The following YBX1 variants were observed in gnomAD, a reference collection of about 807,000 sequenced individuals.
YBX1 encodes the protein Y-box binding protein 1.
A neutral mutation model predicts 41.4 loss-of-function variants in YBX1; 3 were observed. The ratio of observed to expected loss-of-function variants is 0.07; its 90% CI spans 0.03 to 0.19. The LOEUF (loss-of-function observed/expected upper bound fraction) is 0.19. YBX1 is among the 10% of genes least tolerant of loss of function. The pLI, the probability that YBX1 is intolerant of heterozygous loss-of-function variation, is 1.00. For synonymous variants in YBX1, 133 were observed against 165.8 expected, an observed-to-expected ratio of 0.80 and a Z score of 1.52; for missense variants, 274 against 462.8, an observed-to-expected ratio of 0.59 and a Z score of 3.74.
At chr1:42,700,497 T>C (rs890195949) in intron 6 of YBX1, among the ~76,000 whole-genome samples, 6 of 150,396 alleles carry the variant, frequency 4.0e-5, no homozygotes, top group African/African-American at 1.5e-4. Context: ...TACTCAGGAG[T>C]CTGAGGTGGG....
intron 7 of YBX1, 138 bp downstream of exon 7, chr1:42,701,184 C>A (rs765444643): frequency 1.6e-5 from 11 of 671,798 alleles, no homozygotes; most frequent in Admixed American, 3.0e-5. Context: ...CTGCCCTATT[C>A]TTAATTACCT....
chr1:42,683,761 G>C (rs930817774), intron 2 of YBX1, among the ~76,000 whole-genome samples: 2 of 152,128 alleles, frequency 1.3e-5, no homozygotes, highest in African/African-American at 4.8e-5. Flanking sequence ...TCCTTAACAG[G>C]GTAAACGGGA....
At chr1:42,692,546 C>T (rs1244304934) in intron 2 of YBX1, among the ~76,000 whole-genome samples, 2 of 152,156 alleles carry the variant, frequency 1.3e-5, no homozygotes, top group Non-Finnish European at 2.9e-5. Context: ...TTATGTGGAT[C>T]CTTTGATGCA....
chr1:42,691,921 G>T (rs1650348915), intron 2 of YBX1, among the ~76,000 whole-genome samples: 1 of 152,048 alleles, frequency 6.6e-6, no homozygotes, highest in South Asian at 2.1e-4. Flanking sequence ...GAGTGCAGCA[G>T]CTCACTGTAA....
chr1:42,695,447 T>C (rs1650435643), intron 3 of YBX1, among the ~76,000 whole-genome samples: 1 of 152,228 alleles, frequency 6.6e-6, no homozygotes, highest in African/African-American at 2.4e-5. Context: ...GGATTAACAA[T>C]ACTTTCACAT....
chr1:42,700,291 A>G (rs1650561861), intron 6 of YBX1, among the ~76,000 whole-genome samples: 1 of 152,172 alleles, frequency 6.6e-6, no homozygotes, highest in Admixed American at 6.5e-5. Context: ...ACTGGGGGAA[A>G]GAAAATCCCA....
At position 42,682,749 on chromosome 1, in the gene YBX1, A is replaced by C. The variant is rs1037218398; in HGVS notation, c.166+18A>C. ...GGTCATCGGTGAGGACCGGACAGGG[A>C]CGGGGGTGGGGCCCTCGGGCAGCCC... On this transcript the variant is annotated intron_variant, in intron 1 of 7. Coordinates refer to ENST00000321358, the MANE Select transcript of YBX1 (RefSeq NM_004559.5). The C allele has an allele frequency of 2.1e-5, 25 of 1,185,640 alleles. No homozygotes were observed. The highest frequency in any genetic ancestry group is 2.6e-5 in the Non-Finnish European group (25 of 954,350). 73.4% of individuals were successfully genotyped at this position (1,185,640 alleles called of 1,614,324 possible).
Position 42,701,002 on chromosome 1 carries a change from G to A in YBX1, c.962G>A (p.Gly321Asp). 2 of 1,614,130 alleles carry A rather than the reference G, an allele frequency of 1.2e-6. No homozygotes were observed. The highest frequency in any genetic ancestry group is 2.2e-5 in the South Asian group (2 of 91,084). ...TCGTCCGCTCCCGAGGCTGAGCAGG[G>A]CGGGGCTGAGTAAATGCCGGCTTAC... Reference protein sequence around the residue: ...ENSSAPEAEQGGAE With the variant: ...ENSSAPEAEQDGAE Residue 321 changes from glycine to aspartate, a missense_variant, in exon 7 of 8, where the codon GGC becomes GAC. This residue lies in a region of YBX1 where 187 missense variants were observed against 306.3 expected (regional missense o/e 0.61). Transcript: ENST00000321358.
At chr1:42,701,257 C>G (rs1171753297) in intron 7 of YBX1, among the ~76,000 whole-genome samples, 1 of 152,124 alleles carries the variant, frequency 6.6e-6, no homozygotes. Context: ...AGCTAGTTCT[C>G]AATTCTGACA....
intron 2 of YBX1, among the ~76,000 whole-genome samples, chr1:42,687,904 A>G (rs1476327846): frequency 1.3e-5 from 2 of 152,182 alleles, no homozygotes; most frequent in African/African-American, 4.8e-5. Context: ...GCACTAGGGA[A>G]GGTTTAAAGA....
In YBX1 at chr1:42,700,764, G is replaced by A; in HGVS notation, c.741-17G>A. The A allele has an allele frequency of 6.3e-7, 1 of 1,598,756 alleles. No individual in the cohort carries two copies. Among genetic ancestry groups the A allele is most frequent in the Non-Finnish European group, 8.5e-7 (1 of 1,173,030 alleles). ...AGAAGGTTTTATCATTCTTAAGTTT[G>A]ACACCGTTCATTGCAGGGGCCCTCC... is the stretch of plus-strand genomic sequence containing the variant. On this transcript the variant is annotated splice_polypyrimidine_tract_variant and intron_variant, in intron 6 of 7. Transcript: ENST00000321358.
At position 42,682,611 on chromosome 1, in the gene YBX1, G is replaced by A. The variant is rs1205028948; in HGVS notation, c.46G>A (p.Ala16Thr). The change falls in exon 1 of 8, where the codon GCC becomes ACC. Residue 16 changes from alanine to threonine, a missense_variant. Physicochemically the swap from Ala to Thr is moderately conservative, Grantham distance 58 (BLOSUM62 0). Transcript: ENST00000321358. Reference protein sequence around the residue: ...ETQQPPAAPPAAPALSAADTK... With the variant: ...ETQQPPAAPPTAPALSAADTK... ...CCAGCAGCCGCCCGCCGCCCCCCCC[G>A]CCGCCCCCGCCCTCAGCGCCGCCGA... The A allele has an allele frequency of 3.5e-6, 5 of 1,428,996 alleles. No homozygotes were observed. Among genetic ancestry groups the A allele is most frequent in the Non-Finnish European group, 4.6e-6 (5 of 1,095,258 alleles). 88.5% of individuals were successfully genotyped at this position (1,428,996 alleles called of 1,614,324 possible). A position where few individuals can be genotyped will look rare whatever the true frequency, so the allele number is the denominator to read the frequency against.
In YBX1 at chr1:42,703,616, CTG is replaced by C. The variant is rs1437316865; in HGVS notation, c.*1669_*1670del. On this transcript the variant is annotated 3_prime_UTR_variant, in exon 8 of 8. Transcript: ENST00000321358. ...ACTTCAACTGTTGGTAGCATCTAAACTGTTACTTACAACTGCAGACGCACACA... is the reference window on the plus strand; with the variant it reads ...ACTTCAACTGTTGGTAGCATCTAAACTTACTTACAACTGCAGACGCACACA... Among the ~76,000 whole-genome samples, 3 of 152,246 alleles carry C rather than the reference CTG, an allele frequency of 2.0e-5. No homozygotes were observed. Among genetic ancestry groups the C allele is most frequent in the East Asian group, 1.9e-4 (1 of 5,178 alleles).
chr1:42,692,000 A>G (rs1287317996), intron 2 of YBX1, among the ~76,000 whole-genome samples: 2 of 152,116 alleles, frequency 1.3e-5, no homozygotes, highest in African/African-American at 4.8e-5. Context: ...ATAGGCACAC[A>G]CAGCCACGCC....
chr1:42,683,248 CG>C, intron 1 of YBX1, 154 bp from the exon 2 acceptor site: 1 of 851,558 alleles, frequency 1.2e-6, no homozygotes. Context: ...GCGGCGGCGG[CG>C]GCGACTGCGT....
intron 5 of YBX1, 65 bp downstream of exon 5, chr1:42,697,009 T>C: frequency 1.3e-6 from 2 of 1,488,636 alleles, no homozygotes; most frequent in Non-Finnish European, 1.8e-6. Flanking sequence ...AGCTGTTAAT[T>C]ATATGGAAAG....
In YBX1 at chr1:42,700,716, A is replaced by G. The variant is rs1009023884; in HGVS notation, c.741-65A>G. On this transcript the variant is annotated intron_variant, in intron 6 of 7. Coordinates refer to ENST00000321358, the MANE Select transcript of YBX1 (RefSeq NM_004559.5). ...TGAGTTAGTTGTGAACCAACTGGTT[A>G]CACTGGTGGGTGTGTTGAAGAGAGA... 3.5e-6 allele frequency: 5 copies of G among 1,429,478 alleles called. No homozygotes were observed. In the African/African-American group the frequency reaches 5.8e-5, roughly 16 times the overall value. The allele number at this position is 1,429,478 out of a possible 1,614,324, so 88.5% of individuals were successfully genotyped here. A position where few individuals can be genotyped will look rare whatever the true frequency, so the allele number is the denominator to read the frequency against.
chr1:42,688,042 A>T (rs1204580120), intron 2 of YBX1, among the ~76,000 whole-genome samples: 2 of 152,132 alleles, frequency 1.3e-5, no homozygotes, highest in Non-Finnish European at 2.9e-5. Flanking sequence ...TTAACCATTG[A>T]TCTTAAGCTG....
chr1:42,699,829 GAA>G (rs1650551110), intron 6 of YBX1, among the ~76,000 whole-genome samples: 2 of 152,004 alleles, frequency 1.3e-5, no homozygotes, highest in African/African-American at 4.8e-5. Context: ...AATTACCTAA[GAA>G]AAATAGGAAG....
Sources: gnomAD v4.1 joint callset for allele counts (sites outside exome capture counted in the v4.1 genomes callset) on GRCh38, gnomAD v4.1.1 for gene constraint, gnomAD v4.1.1 regional missense constraint, MANE v1.5 for transcripts, NCBI Gene and HGNC (gene_info 2026-07-23, HGNC 2026-07-21) for gene names.